The following PNPLA8 variants were observed in gnomAD, a reference collection of about 807,000 sequenced individuals.
The protein encoded by PNPLA8 is patatin like domain 8, phospholipase A2, also known as calcium-independent phospholipase A2-gamma.
A neutral mutation model predicts 76.9 loss-of-function variants in PNPLA8; 39 were observed. The ratio of observed to expected loss-of-function variants is 0.51; its 90% CI spans 0.39 to 0.66. The LOEUF (loss-of-function observed/expected upper bound fraction) is 0.66, where lower values mean the gene tolerates loss of function less well. PNPLA8 is among the 30% of genes least tolerant of loss of function. The probability of loss-of-function intolerance (pLI) is 0.00; values close to 1 mark genes in which losing one functional copy is unlikely to be tolerated. For missense variants in PNPLA8, 887 were observed against 918.0 expected (o/e 0.97, Z 0.44); for synonymous variants, 301 against 307.9 (o/e 0.98, Z 0.24).
intron 7 of PNPLA8, among the ~76,000 whole-genome samples, chr7:108,494,682 T>C (rs1305037614): frequency 1.3e-5 from 2 of 152,178 alleles, no homozygotes; most frequent in Non-Finnish European, 2.9e-5. Flanking sequence ...CATAAGTGCA[T>C]GTGTCTTTTT....
intron 10 of PNPLA8, among the ~76,000 whole-genome samples, chr7:108,477,267 T>C (rs978898739): frequency 2.0e-5 from 3 of 152,190 alleles, no homozygotes; most frequent in Non-Finnish European, 2.9e-5. Context: ...TATATACAAT[T>C]TTTATGTCAG....
chr7:108,507,419 C>CAAGGCAG (rs1462962915), intron 4 of PNPLA8, among the ~76,000 whole-genome samples: 11 of 148,736 alleles, frequency 7.4e-5, no homozygotes, highest in Admixed American at 2.0e-4. Context: ...CTTTGGGAGG[C>CAAGGCAG]AAGGCAGGCA....
At chr7:108,511,841 A>G (rs1046280938) in intron 4 of PNPLA8, among the ~76,000 whole-genome samples, 1 of 152,196 alleles carries the variant, frequency 6.6e-6, no homozygotes, top group Non-Finnish European at 1.5e-5. Flanking sequence ...ACATATACAG[A>G]ATGAGTTTAT....
At chr7:108,504,501 T>C (rs751352266) in intron 4 of PNPLA8, among the ~76,000 whole-genome samples, 14 of 152,104 alleles carry the variant, frequency 9.2e-5, no homozygotes, top group Non-Finnish European at 2.1e-4. Flanking sequence ...ATTGAAAAAA[T>C]ATGCCATATG....
At chr7:108,510,550 G>C (rs1862839478) in intron 4 of PNPLA8, 1 of 1,405,892 alleles carries the variant, frequency 7.1e-7, no homozygotes, top group Non-Finnish European at 1.0e-6. Context: ...AGGTCCGAAA[G>C]GTGTTGCAGC....
intron 8 of PNPLA8, among the ~76,000 whole-genome samples, chr7:108,490,851 A>C (rs1209929056): frequency 6.6e-6 from 1 of 152,140 alleles, no homozygotes; most frequent in African/African-American, 2.4e-5. Flanking sequence ...TGATTTTTAA[A>C]ATTATGATGA....
rs1338670093 is a variant in PNPLA8 at position 108,515,413 on chromosome 7, T to C, written c.79A>G (p.Lys27Glu). 2.5e-6 allele frequency: 4 copies of C among 1,610,528 alleles called. No homozygotes were observed. In the South Asian group the frequency reaches 4.4e-5, roughly 18 times the overall value. Residue 27 changes from lysine (K) to glutamate (E), a missense_variant, in exon 3 of 11, where the codon AAG becomes GAG. Physicochemically the swap from Lys to Glu is moderately conservative, Grantham distance 56. Coordinates refer to ENST00000257694, the MANE Select transcript of PNPLA8 (RefSeq NM_001256007.3). ...ARSVCGKQRS[K>E]QLYFLFSPKH... ...GGTGAGAACAAGAAATACAGTTGCT[T>C]GCTTCTCTGCTTCCCACAAACACTT... is the stretch of plus-strand genomic sequence containing the variant.
chr7:108,512,573 A>G (rs991613210), intron 4 of PNPLA8, among the ~76,000 whole-genome samples: 5 of 152,208 alleles, frequency 3.3e-5, no homozygotes, highest in Non-Finnish European at 5.9e-5. Context: ...GACACATAAA[A>G]AAGTAAAATT....
chr7:108,472,401 T>C lies in PNPLA8; in HGVS notation c.2349A>G (p.Ter783TrpextTer1). ...YEGLPFFSKL* is the reference protein window; with the variant it reads ...YEGLPFFSKLW Reference sequence around the variant, plus strand: ...TTATGAGAACATAAGCATATACTCATCACAATTTTGAAAAGAATGGAAGTC... The same window carrying C: ...TTATGAGAACATAAGCATATACTCACCACAATTTTGAAAAGAATGGAAGTC... Residue 783 changes from the stop codon to tryptophan (W), a stop_lost, in exon 11 of 11, where the codon TGA (stop) becomes TGG (tryptophan). Transcript: ENST00000257694. The C allele has an allele frequency of 6.4e-7, 1 of 1,555,426 alleles. No individual in the cohort carries two copies. Among genetic ancestry groups the C allele is most frequent in the Non-Finnish European group, 8.7e-7 (1 of 1,146,306 alleles).
intron 1 of PNPLA8, among the ~76,000 whole-genome samples, chr7:108,523,760 C>T (rs959313109): frequency 2.0e-5 from 3 of 152,162 alleles, no homozygotes; most frequent in African/African-American, 7.2e-5. Flanking sequence ...TCTTACTACC[C>T]TACTACCCCA....
rs553671660 is a variant in PNPLA8 at position 108,514,460 on chromosome 7, C to T, written c.1032G>A (p.Lys344=). 1.9e-6 allele frequency: 3 copies of T among 1,611,566 alleles called. No individual in the cohort carries two copies. The highest frequency in any genetic ancestry group is 2.2e-5 in the East Asian group (1 of 44,866). The part of the protein sequence containing the change: ...VSKDRNAEEK[K]RLSLQREKII... The stretch of plus-strand genomic sequence containing the variant: ...CCTTTTCTCGCTGAAGAGATAAACG[C>T]TTTTTCTCCTCTGCATTTCTGTCTT... Residue 344 remains lysine, a synonymous_variant, in exon 3 of 11, where the codon AAG becomes AAA. Coordinates refer to ENST00000257694, the MANE Select transcript of PNPLA8 (RefSeq NM_001256007.3).
intron 8 of PNPLA8, among the ~76,000 whole-genome samples, chr7:108,490,611 G>A (rs537083656): frequency 6.6e-6 from 1 of 151,958 alleles, no homozygotes; most frequent in Admixed American, 6.6e-5. Flanking sequence ...GTGAAACCCT[G>A]TCTCTACTAA....
At chr7:108,519,905 G>A (rs1158588194) in intron 2 of PNPLA8, among the ~76,000 whole-genome samples, 1 of 152,160 alleles carries the variant, frequency 6.6e-6, no homozygotes, top group Non-Finnish European at 1.5e-5. Context: ...ACAAGATAAA[G>A]TCTGTCTCTT....
intron 4 of PNPLA8, among the ~76,000 whole-genome samples, chr7:108,512,708 A>T (rs1005475766): frequency 4.6e-5 from 7 of 152,204 alleles, no homozygotes; most frequent in African/African-American, 1.7e-4. Flanking sequence ...CAATTTGTCC[A>T]GTTCACTGTT....
chr7:108,524,467 T>C (rs1340204486), intron 1 of PNPLA8, among the ~76,000 whole-genome samples: 1 of 152,074 alleles, frequency 6.6e-6, no homozygotes, highest in African/African-American at 2.4e-5. Flanking sequence ...CAGGACCAAA[T>C]TTTTTCAAGT....
At chr7:108,501,802 C>T (rs1295061010) in intron 5 of PNPLA8, among the ~76,000 whole-genome samples, 4 of 151,720 alleles carry the variant, frequency 2.6e-5, no homozygotes, top group African/African-American at 7.3e-5. Flanking sequence ...CCAGCCTGGG[C>T]GACAGAGCAA....
At chr7:108,504,651 T>A (rs867834257) in intron 4 of PNPLA8, among the ~76,000 whole-genome samples, 8 of 152,300 alleles carry the variant, frequency 5.3e-5, no homozygotes, top group Admixed American at 6.5e-5. Flanking sequence ...ATATAACATG[T>A]CAAGAATAGC....
At chr7:108,479,626 A>T (rs986557628) in intron 9 of PNPLA8, 1 of 524,222 alleles carries the variant, frequency 1.9e-6, no homozygotes, top group Non-Finnish European at 3.4e-6. Context: ...ATATTTTGCT[A>T]AAAAATATTG....
At chr7:108,518,736 TATATATATATATATATATATATAC>T (rs887842781) in intron 2 of PNPLA8, among the ~76,000 whole-genome samples, 4 of 127,662 alleles carry the variant, frequency 3.1e-5, no homozygotes, top group African/African-American at 1.2e-4. Flanking sequence ...TATATATATA[TATATATATATATATATATATATAC>T]ACACACACAC....
Sources: allele counts gnomAD v4.1 joint callset (sites outside exome capture counted in the v4.1 genomes callset), GRCh38; gene constraint gnomAD v4.1.1; transcripts MANE v1.5; gene names NCBI Gene and HGNC (gene_info 2026-07-23, HGNC 2026-07-21).